Variants in PPM1L observed in about 807,000 individuals in gnomAD.
PPM1L encodes the protein protein phosphatase, Mg2+/Mn2+ dependent 1L.
In PPM1L, 13 loss-of-function variants were observed where a neutral mutation model predicts 31.4. That is an observed-to-expected ratio of 0.41 (90% CI 0.27 to 0.66). The LOEUF is 0.66. PPM1L is among the 30% of genes least tolerant of loss of function. The probability of loss-of-function intolerance (pLI) is 0.29; values close to 1 mark genes in which losing one functional copy is unlikely to be tolerated. For synonymous variants in PPM1L, 184 were observed against 175.4 expected (o/e 1.05, Z -0.39); for missense variants, 326 against 453.7 (o/e 0.72, Z 2.56).
chr3:160,790,777 A>T (rs773960295), intron 1 of PPM1L, among the ~76,000 whole-genome samples: 2 of 152,108 alleles, frequency 1.3e-5, no homozygotes, highest in African/African-American at 2.4e-5. Context: ...CCATGGGAAG[A>T]CCAGCAATAT....
intron 1 of PPM1L, among the ~76,000 whole-genome samples, chr3:160,814,830 G>C (rs1032569265): frequency 1.3e-5 from 2 of 151,838 alleles, no homozygotes; most frequent in East Asian, 3.9e-4. Flanking sequence ...CCATGAAAAG[G>C]AATGAAATAA....
chr3:161,043,228 G>A (rs1413234169), intron 2 of PPM1L, among the ~76,000 whole-genome samples: 1 of 151,866 alleles, frequency 6.6e-6, no homozygotes, highest in Non-Finnish European at 1.5e-5. Context: ...CTGGGAGGAG[G>A]GTTTAGATAA....
intron 2 of PPM1L, among the ~76,000 whole-genome samples, chr3:161,015,543 C>T (rs560032607): frequency 3.8e-4 from 58 of 152,324 alleles, no homozygotes; most frequent in African/African-American, 1.3e-3. Flanking sequence ...ATTTCTGACA[C>T]CTACCACCTG....
chr3:160,961,843 T>C lies in PPM1L; in HGVS notation c.507T>C (p.Leu169=), dbSNP rs1370488073. The C allele has an allele frequency of 1.3e-6, 2 of 1,598,968 alleles. No homozygotes were observed. The change falls in exon 2 of 4, where the codon CTT becomes CTC. Residue 169 remains leucine (L), a synonymous_variant. Coordinates refer to ENST00000498165, the MANE Select transcript of PPM1L (RefSeq NM_139245.4). ...ENSVLSYQTI[L]EQQILSIDRE... is the part of the protein sequence containing the mutation. ...GTGTATTATCTTACCAGACCATCCT[T>C]GAACAGCAGATTTTGTCAATTGACC...
intron 1 of PPM1L, among the ~76,000 whole-genome samples, chr3:160,823,284 A>C (rs572354495): frequency 6.6e-6 from 1 of 152,064 alleles, no homozygotes; most frequent in East Asian, 1.9e-4. Flanking sequence ...GAGTAGTGAG[A>C]GAATTTTCAA....
At chr3:160,995,242 G>C (rs1296350108) in intron 2 of PPM1L, among the ~76,000 whole-genome samples, 2 of 152,164 alleles carry the variant, frequency 1.3e-5, no homozygotes, top group African/African-American at 2.4e-5. Flanking sequence ...AGTTTGTTGG[G>C]TGTTTTTTCA....
chr3:160,978,117 A>C (rs1191504679), intron 2 of PPM1L, among the ~76,000 whole-genome samples: 2 of 152,234 alleles, frequency 1.3e-5, no homozygotes, highest in African/African-American at 2.4e-5. Context: ...AGTTGGGCTC[A>C]TCTGAGGACA....
At chr3:160,875,071 C>T (rs1712458286) in intron 1 of PPM1L, among the ~76,000 whole-genome samples, 2 of 152,154 alleles carry the variant, frequency 1.3e-5, no homozygotes, top group South Asian at 2.1e-4. Flanking sequence ...TTTTAAGCCC[C>T]TTTGCATTCA....
chr3:160,859,066 A>C (rs1013564283), intron 1 of PPM1L, among the ~76,000 whole-genome samples: 2 of 152,124 alleles, frequency 1.3e-5, no homozygotes, highest in Non-Finnish European at 2.9e-5. Flanking sequence ...ATTTGTCTGG[A>C]ACTATTAAAG....
At chr3:161,028,265 T>G (rs560161230) in intron 2 of PPM1L, among the ~76,000 whole-genome samples, 1 of 152,284 alleles carries the variant, frequency 6.6e-6, no homozygotes, top group African/African-American at 2.4e-5. Context: ...AAACGGCACG[T>G]GTAAATTCTA....
chr3:160,899,070 C>T (rs1289240121), intron 1 of PPM1L, among the ~76,000 whole-genome samples: 6 of 152,072 alleles, frequency 3.9e-5, no homozygotes, highest in Non-Finnish European at 7.3e-5. Context: ...AGATACTGTG[C>T]TGGGTGTTTT....
At chr3:161,020,003 G>A (rs147946762) in intron 2 of PPM1L, among the ~76,000 whole-genome samples, 3 of 151,942 alleles carry the variant, frequency 2.0e-5, no homozygotes, top group Non-Finnish European at 4.4e-5. Context: ...GCGTGTGCCT[G>A]TAATCCTAGC....
At chr3:160,835,093 TTTCTTTCTTCTTTCTTCCTTC>T (rs1358326142) in intron 1 of PPM1L, among the ~76,000 whole-genome samples, 8 of 144,414 alleles carry the variant, frequency 5.5e-5, no homozygotes, top group African/African-American at 1.7e-4. Context: ...TTCTTTCTTT[TTTCTTTCTTCTTTCTTCCTTC>T]TTCTTTCTTC....
At chr3:160,813,090 G>A (rs1257375567) in intron 1 of PPM1L, among the ~76,000 whole-genome samples, 3 of 151,932 alleles carry the variant, frequency 2.0e-5, no homozygotes, top group Non-Finnish European at 4.4e-5. Flanking sequence ...CCTGTTTTCT[G>A]GATGTCAAAT....
At chr3:160,835,439 TTG>T (rs568594258) in intron 1 of PPM1L, among the ~76,000 whole-genome samples, 44 of 152,152 alleles carry the variant, frequency 2.9e-4, no homozygotes, top group Non-Finnish European at 5.6e-4. Context: ...ATTTTTTTAC[TTG>T]TGTTTCTAAA....
chr3:160,889,712 C>G (rs1033865629), intron 1 of PPM1L, among the ~76,000 whole-genome samples: 1 of 152,098 alleles, frequency 6.6e-6, no homozygotes, highest in African/African-American at 2.4e-5. Flanking sequence ...AACAAAACTT[C>G]AGGCTAGTGT....
At chr3:161,038,502 G>A (rs1047823687) in intron 2 of PPM1L, among the ~76,000 whole-genome samples, 2 of 148,918 alleles carry the variant, frequency 1.3e-5, no homozygotes, top group African/African-American at 5.0e-5. Flanking sequence ...GTAGAAACGT[G>A]GTCTCACTAT....
chr3:160,854,038 C>G (rs958853613), intron 1 of PPM1L, among the ~76,000 whole-genome samples: 1 of 152,216 alleles, frequency 6.6e-6, no homozygotes, highest in Admixed American at 6.5e-5. Flanking sequence ...TACCCAGCTA[C>G]TAAAGTTTAC....
intron 1 of PPM1L, among the ~76,000 whole-genome samples, chr3:160,886,939 A>G (rs1712937335): frequency 6.6e-6 from 1 of 152,088 alleles, no homozygotes; most frequent in Admixed American, 6.5e-5. Context: ...TTCTAACCCA[A>G]TGCAAAGAAG....
Sources: allele counts gnomAD v4.1 joint callset (sites outside exome capture counted in the v4.1 genomes callset), GRCh38; gene constraint gnomAD v4.1.1; transcripts MANE v1.5; gene names NCBI Gene and HGNC (gene_info 2026-07-23, HGNC 2026-07-21).